RAB30: variants seen among roughly 807,000 people sequenced by gnomAD.
RAB30 encodes the protein RAB30, member RAS oncogene family, also known as ras-related protein Rab-30.
A neutral mutation model predicts 25.1 loss-of-function variants in RAB30; 9 were observed. The ratio of observed to expected loss-of-function variants is 0.36; its 90% CI spans 0.22 to 0.63. RAB30 has a LOEUF of 0.63. Among genes scored for constraint, RAB30 ranks in the 20% least tolerant of loss-of-function variants. The probability of loss-of-function intolerance (pLI) is 0.69; values close to 1 mark genes in which losing one functional copy is unlikely to be tolerated. For synonymous variants in RAB30, 77 were observed against 86.4 expected (o/e 0.89, Z 0.60); for missense variants, 140 against 243.5 (o/e 0.58, Z 2.83).
intron 1 of RAB30, among the ~76,000 whole-genome samples, chr11:83,003,563 C>T (rs1414245000): frequency 6.6e-6 from 1 of 152,122 alleles, no homozygotes; most frequent in Non-Finnish European, 1.5e-5. Flanking sequence ...GCTGGGATTA[C>T]AGGCATGCAC....
At chr11:83,033,055 C>CTTTTTT (rs71463144) in intron 1 of RAB30, among the ~76,000 whole-genome samples, 7 of 77,864 alleles carry the variant, frequency 9.0e-5, no homozygotes, top group Non-Finnish European at 1.8e-4. Context: ...GCCTCAAATT[C>CTTTTTT]TTTTTTTTTT....
chr11:83,070,636 A>G (rs1053786411), intron 1 of RAB30, among the ~76,000 whole-genome samples: 20 of 152,060 alleles, frequency 1.3e-4, no homozygotes, highest in Admixed American at 2.0e-4. Flanking sequence ...TCAAAGTAAC[A>G]TATCTATTGC....
intron 1 of RAB30, chr11:83,034,138 C>A (rs1857936562): frequency 6.6e-6 from 1 of 152,254 alleles, no homozygotes; most frequent in African/African-American, 2.4e-5. Flanking sequence ...ACAAAGATTG[C>A]TGAGCAAGAG....
At chr11:83,014,062 A>G (rs1174534805) in intron 1 of RAB30, among the ~76,000 whole-genome samples, 1 of 152,242 alleles carries the variant, frequency 6.6e-6, no homozygotes, top group East Asian at 1.9e-4. Context: ...CAAGAAGACA[A>G]GTTCCCCCTC....
intron 1 of RAB30, among the ~76,000 whole-genome samples, chr11:83,008,324 C>T (rs182004838): frequency 1.2e-4 from 18 of 152,284 alleles, no homozygotes; most frequent in African/African-American, 4.1e-4. Flanking sequence ...TGTTCAGATT[C>T]CCTCCTCACT....
chr11:83,004,792 A>G (rs1194311073), intron 1 of RAB30, among the ~76,000 whole-genome samples: 2 of 152,016 alleles, frequency 1.3e-5, no homozygotes, highest in African/African-American at 4.8e-5. Flanking sequence ...CTGTACCTCA[A>G]CAAGACACCT....
intron 4 of RAB30, among the ~76,000 whole-genome samples, chr11:82,984,273 T>C (rs1215084574): frequency 2.6e-5 from 4 of 152,200 alleles, no homozygotes; most frequent in African/African-American, 7.2e-5. Flanking sequence ...GTGACTTCAT[T>C]TGAAGAGACC....
chr11:83,047,843 A>G (rs7928641), intron 1 of RAB30, among the ~76,000 whole-genome samples: 10,460 of 152,186 alleles, frequency 0.069, 802 homozygotes, highest in African/African-American at 0.19. Context: ...CCCTCAGTAG[A>G]GCATCTCCAT....
At chr11:82,982,985 G>C (rs533850029) in intron 4 of RAB30, among the ~76,000 whole-genome samples, 1 of 152,024 alleles carries the variant, frequency 6.6e-6, no homozygotes, top group South Asian at 2.1e-4. Flanking sequence ...TGGAGTATTT[G>C]CTGCCATAAA....
At chr11:82,989,412 G>A (rs1321666639) in intron 3 of RAB30, among the ~76,000 whole-genome samples, 1 of 152,226 alleles carries the variant, frequency 6.6e-6, no homozygotes, top group African/African-American at 2.4e-5. Flanking sequence ...GCTCTCCTTT[G>A]ATCTGCAGTT....
At chr11:83,013,031 C>G (rs1208804047) in intron 1 of RAB30, among the ~76,000 whole-genome samples, 2 of 152,068 alleles carry the variant, frequency 1.3e-5, no homozygotes, top group East Asian at 3.8e-4. Context: ...TGTGCCTCCT[C>G]TATGTTCTGC....
intron 3 of RAB30, among the ~76,000 whole-genome samples, chr11:82,990,035 C>T (rs1856819035): frequency 6.6e-6 from 1 of 152,196 alleles, no homozygotes; most frequent in Admixed American, 6.5e-5. Context: ...TAGCAGAATA[C>T]AAGATGTTCT....
intron 1 of RAB30, among the ~76,000 whole-genome samples, chr11:83,008,727 C>T (rs1198082743): frequency 6.6e-6 from 1 of 152,098 alleles, no homozygotes; most frequent in South Asian, 2.1e-4. Context: ...CTATCTGTCA[C>T]CAAGGCCTGC....
At chr11:83,010,776 C>G (rs1857285988) in intron 1 of RAB30, among the ~76,000 whole-genome samples, 1 of 152,096 alleles carries the variant, frequency 6.6e-6, no homozygotes, top group African/African-American at 2.4e-5. Flanking sequence ...CTGAACGAAC[C>G]CAAAATGCCA....
rs998105282 is a variant in RAB30 at position 82,982,057 on chromosome 11, G to A, written c.*108C>T. 71 of 1,460,458 alleles carry A rather than the reference G, an allele frequency of 4.9e-5. No homozygotes were observed. The highest frequency in any genetic ancestry group is 6.2e-5 in the Non-Finnish European group (66 of 1,068,396). 90.5% of individuals were successfully genotyped at this position (1,460,458 alleles called of 1,614,324 possible). ...GCTTTGTAAGCTCAGGAGCCCACAG[G>A]AGTCAGAAGGTCAGAGAGCGGGAGC... On this transcript the variant is annotated 3_prime_UTR_variant, in exon 5 of 5. Transcript: ENST00000527633.
intron 1 of RAB30, among the ~76,000 whole-genome samples, chr11:83,021,578 G>C (rs1387304661): frequency 6.6e-6 from 1 of 152,230 alleles, no homozygotes; most frequent in African/African-American, 2.4e-5. Flanking sequence ...CAGACTCCAT[G>C]CTCACTCACA....
chr11:83,045,462 C>A (rs1273687874), intron 1 of RAB30, among the ~76,000 whole-genome samples: 1 of 152,110 alleles, frequency 6.6e-6, no homozygotes, highest in Non-Finnish European at 1.5e-5. Context: ...ATTGTATATG[C>A]CAAGCCCAGA....
intron 1 of RAB30, among the ~76,000 whole-genome samples, chr11:83,010,925 C>T (rs1857289098): frequency 6.6e-6 from 1 of 152,146 alleles, no homozygotes; most frequent in African/African-American, 2.4e-5. Context: ...ATTATGAAAA[C>T]TGTGTAGAAA....
chr11:83,064,342 A>ATTG (rs1858646941), intron 1 of RAB30, among the ~76,000 whole-genome samples: 2 of 152,180 alleles, frequency 1.3e-5, no homozygotes, highest in Non-Finnish European at 2.9e-5. Context: ...TCCTGGACTC[A>ATTG]AGCAATTCAC....
Sources: gnomAD v4.1 joint callset for allele counts (sites outside exome capture counted in the v4.1 genomes callset) on GRCh38, gnomAD v4.1.1 for gene constraint, MANE v1.5 for transcripts, NCBI Gene and HGNC (gene_info 2026-07-23, HGNC 2026-07-21) for gene names.